The following NMNAT2 variants were observed in gnomAD, a reference collection of about 807,000 sequenced individuals.
NMNAT2 encodes the protein nicotinamide nucleotide adenylyltransferase 2.
In NMNAT2, 11 loss-of-function variants were observed where a neutral mutation model predicts 41.6. The observed-to-expected ratio is 0.26, with a 90% confidence interval of 0.17 to 0.44. The LOEUF (loss-of-function observed/expected upper bound fraction) is 0.44. Ranked by LOEUF, NMNAT2 falls within the 20% of genes least tolerant of loss-of-function variation. The probability of loss-of-function intolerance (pLI) is 1.00; values close to 1 mark genes in which losing one functional copy is unlikely to be tolerated. For missense variants in NMNAT2, 288 were observed against 407.7 expected (o/e 0.71, Z 2.53); for synonymous variants, 148 against 151.2 (o/e 0.98, Z 0.16).
Position 183,252,279 on chromosome 1 carries a change from C to T in NMNAT2, c.*362G>A. ...ACCAGAGCCGCCTCTCTAGAGCATG[C>T]TGGGAGGATGGGCACCAGAGCCGCC... On this transcript the variant is annotated 3_prime_UTR_variant, in exon 11 of 11. Coordinates refer to ENST00000287713, the MANE Select transcript of NMNAT2 (RefSeq NM_015039.4). 4.2e-6 allele frequency: 1 copy of T among 237,892 alleles called. No homozygotes were observed. The highest frequency in any genetic ancestry group is 6.7e-5 in the South Asian group (1 of 14,858). 14.7% of individuals were successfully genotyped at this position (237,892 alleles called of 1,614,324 possible).
chr1:183,368,479 G>C (rs561148700), intron 1 of NMNAT2, among the ~76,000 whole-genome samples: 5 of 152,268 alleles, frequency 3.3e-5, no homozygotes, highest in Non-Finnish European at 7.3e-5. Context: ...CCATTGATCT[G>C]AACAGAATTG....
intron 3 of NMNAT2, 60 bp from the exon 4 acceptor site, chr1:183,290,266 T>C: frequency 1.5e-6 from 2 of 1,363,344 alleles, no homozygotes; most frequent in East Asian, 2.6e-5. Flanking sequence ...TCCTTATTGT[T>C]ACCTTCCAAA....
intron 1 of NMNAT2, among the ~76,000 whole-genome samples, chr1:183,401,148 T>A (rs1320202680): frequency 6.6e-6 from 1 of 151,838 alleles, no homozygotes; most frequent in Non-Finnish European, 1.5e-5. Flanking sequence ...TGAGAGAAAA[T>A]TTTTACAATC....
chr1:183,372,887 G>A (rs1663579250), intron 1 of NMNAT2, among the ~76,000 whole-genome samples: 2 of 152,204 alleles, frequency 1.3e-5, no homozygotes, highest in African/African-American at 4.8e-5. Context: ...AACATCAAAG[G>A]TTAATATCGC....
chr1:183,403,451 C>G (rs12405621), intron 1 of NMNAT2, among the ~76,000 whole-genome samples: 1 of 141,406 alleles, frequency 7.1e-6, no homozygotes, highest in East Asian at 2.1e-4. Context: ...CCCCCCCCCC[C>G]AAAAAAAATG....
At chr1:183,285,276 A>G (rs2102303159) in intron 5 of NMNAT2, among the ~76,000 whole-genome samples, 1 of 152,160 alleles carries the variant, frequency 6.6e-6, no homozygotes, top group East Asian at 1.9e-4. Context: ...TATCATGAAC[A>G]TTTCTTCCCC....
At chr1:183,321,953 G>A (rs1238638585) in intron 1 of NMNAT2, among the ~76,000 whole-genome samples, 1 of 151,894 alleles carries the variant, frequency 6.6e-6, no homozygotes, top group African/African-American at 2.4e-5. Context: ...TGAATAACTG[G>A]AGCCACAGGC....
chr1:183,264,530 A>T (rs1244481506), intron 8 of NMNAT2, among the ~76,000 whole-genome samples: 2 of 152,134 alleles, frequency 1.3e-5, no homozygotes, highest in Non-Finnish European at 2.9e-5. Context: ...GAGACTGCAG[A>T]TACTCTCTGC....
intron 1 of NMNAT2, among the ~76,000 whole-genome samples, chr1:183,364,817 G>C (rs1663382433): frequency 6.6e-6 from 1 of 152,110 alleles, no homozygotes; most frequent in African/African-American, 2.4e-5. Context: ...TCAGCCTCCA[G>C]AGTAGGCGGG....
At chr1:183,356,474 A>C (rs923797100) in intron 1 of NMNAT2, among the ~76,000 whole-genome samples, 1 of 152,238 alleles carries the variant, frequency 6.6e-6, no homozygotes, top group Non-Finnish European at 1.5e-5. Flanking sequence ...GGTAGTTTGC[A>C]TATACCTGCT....
intron 5 of NMNAT2, among the ~76,000 whole-genome samples, chr1:183,286,005 T>C (rs1661389405): frequency 1.3e-5 from 2 of 152,170 alleles, no homozygotes. Flanking sequence ...TCAACCTCCC[T>C]AGAAGAGGCA....
intron 8 of NMNAT2, among the ~76,000 whole-genome samples, chr1:183,262,728 G>A (rs926806201): frequency 1.3e-5 from 2 of 152,144 alleles, no homozygotes; most frequent in Admixed American, 1.3e-4. Context: ...GTTGCTTTCT[G>A]GAAATTTGTG....
At chr1:183,393,758 G>A (rs1006176778) in intron 1 of NMNAT2, among the ~76,000 whole-genome samples, 2 of 152,136 alleles carry the variant, frequency 1.3e-5, no homozygotes, top group Non-Finnish European at 2.9e-5. Context: ...GTTTCACCAT[G>A]TTGGCCAGGC....
intron 1 of NMNAT2, among the ~76,000 whole-genome samples, chr1:183,386,835 C>T (rs1210362514): frequency 1.3e-5 from 2 of 151,970 alleles, no homozygotes; most frequent in African/African-American, 4.8e-5. Flanking sequence ...TTACATTATA[C>T]AAATGGACAC....
At chr1:183,252,848 A>C in intron 10 of NMNAT2, 105 bp from the exon 11 acceptor site, 3 of 797,216 alleles carry the variant, frequency 3.8e-6, no homozygotes, top group Non-Finnish European at 6.5e-6. Flanking sequence ...GCCTTTTCTC[A>C]GGTTGAGTAA....
chr1:183,274,844 G>T (rs1241365927), intron 8 of NMNAT2, among the ~76,000 whole-genome samples: 2 of 151,940 alleles, frequency 1.3e-5, no homozygotes, highest in Non-Finnish European at 2.9e-5. Context: ...GATGACTTGG[G>T]GATAGAAAGA....
At chr1:183,309,733 C>G (rs374659060) in intron 1 of NMNAT2, among the ~76,000 whole-genome samples, 122 of 152,312 alleles carry the variant, frequency 8.0e-4, no homozygotes, top group African/African-American at 2.9e-3. Flanking sequence ...ACTGTCCCCC[C>G]AAGCCCAAGA....
chr1:183,315,642 C>T (rs1418752697), intron 1 of NMNAT2, among the ~76,000 whole-genome samples: 3 of 151,966 alleles, frequency 2.0e-5, no homozygotes, highest in African/African-American at 7.3e-5. Flanking sequence ...ATTAGCCGGG[C>T]ATGGTCGTGG....
chr1:183,315,030 G>A (rs745396270), intron 1 of NMNAT2, among the ~76,000 whole-genome samples: 12 of 152,170 alleles, frequency 7.9e-5, no homozygotes, highest in Non-Finnish European at 1.5e-4. Context: ...GCGAAAGTAC[G>A]TTTCTAACAT....
Sources: allele counts gnomAD v4.1 joint callset (sites outside exome capture counted in the v4.1 genomes callset), GRCh38; gene constraint gnomAD v4.1.1; transcripts MANE v1.5; gene names NCBI Gene and HGNC (gene_info 2026-07-23, HGNC 2026-07-21).